PDE9A: variants seen among roughly 807,000 people sequenced by gnomAD.
The protein encoded by PDE9A is high affinity cGMP-specific 3',5'-cyclic phosphodiesterase 9A.
PDE9A carries 60 observed loss-of-function variants against 87.4 expected under a neutral mutation model. The observed-to-expected ratio is 0.69, with a 90% CI of 0.56 to 0.85. The LOEUF is 0.85. Among genes scored for constraint, PDE9A ranks in the 40% least tolerant of loss-of-function variants. PDE9A has a pLI of 0.00. For synonymous variants in PDE9A, 272 were observed against 279.4 expected (o/e 0.97, Z 0.27); for missense variants, 665 against 779.0 (o/e 0.85, Z 1.74).
At chr21:42,748,667 A>G (rs2054123992) in intron 8 of PDE9A, among the ~76,000 whole-genome samples, 1 of 152,224 alleles carries the variant, frequency 6.6e-6, no homozygotes, top group South Asian at 2.1e-4. Flanking sequence ...GAGGCCTTCT[A>G]GATGTTTTTC....
chr21:42,677,348 T>C (rs1473292165), intron 1 of PDE9A, among the ~76,000 whole-genome samples: 1 of 152,194 alleles, frequency 6.6e-6, no homozygotes, highest in African/African-American at 2.4e-5. Context: ...AAAGCATGAC[T>C]TCCCTGACAT....
At chr21:42,710,649 T>G (rs7279645) in intron 4 of PDE9A, among the ~76,000 whole-genome samples, 2,144 of 152,268 alleles carry the variant, frequency 0.014, 54 homozygotes, top group African/African-American at 0.049. Flanking sequence ...TGCTATGTCT[T>G]ATTGACTATT....
At chr21:42,764,200 G>A (rs1416988159) in intron 14 of PDE9A, among the ~76,000 whole-genome samples, 1 of 152,202 alleles carries the variant, frequency 6.6e-6, no homozygotes, top group Non-Finnish European at 1.5e-5. Context: ...CAGCGCTCTC[G>A]GGCCTGTGAT....
chr21:42,773,817 TA>T (rs1297232372), intron 19 of PDE9A, among the ~76,000 whole-genome samples: 2 of 135,688 alleles, frequency 1.5e-5, no homozygotes, highest in Non-Finnish European at 3.1e-5. Context: ...TAAAAATAAA[TA>T]AATAAGCCGG....
intron 1 of PDE9A, among the ~76,000 whole-genome samples, chr21:42,667,013 C>A (rs552820815): frequency 4.1e-4 from 62 of 149,412 alleles, no homozygotes; most frequent in East Asian, 1.4e-3. Context: ...TGTCCCCACT[C>A]CCCCCCGCCC....
In PDE9A at chr21:42,660,001, C is replaced by T. The variant is rs2145810610; in HGVS notation, c.69+6118C>T. The stretch of plus-strand genomic sequence containing the variant: ...CAACTGGGACACCTCGGGGCATAAG[C>T]CGGGCAGGGAGGCGGCAGGAACTGG... On this transcript the variant is annotated intron_variant, in intron 1 of 19. Transcript: ENST00000291539. The surrounding 1 kb of genome is among the most constrained non-coding windows in gnomAD (Gnocchi z 4.7). 6.6e-6 allele frequency among the ~76,000 whole-genome samples: 1 copy of T among 152,340 alleles called. No individual in the cohort carries two copies. Among genetic ancestry groups the T allele is most frequent in the South Asian group, 2.1e-4 (1 of 4,830 alleles).
chr21:42,661,772 G>T (rs556875047), intron 1 of PDE9A, among the ~76,000 whole-genome samples: 13 of 152,344 alleles, frequency 8.5e-5, no homozygotes, highest in African/African-American at 3.1e-4. Flanking sequence ...GTTCCCGAAG[G>T]CCTCTCCACG....
intron 1 of PDE9A, among the ~76,000 whole-genome samples, chr21:42,666,547 C>T (rs1459395687): frequency 1.3e-5 from 2 of 152,194 alleles, no homozygotes; most frequent in East Asian, 1.9e-4. Flanking sequence ...CGGCGGCCTC[C>T]ACAGCAGACA....
At chr21:42,710,834 A>T (rs2049265171) in intron 4 of PDE9A, among the ~76,000 whole-genome samples, 1 of 152,088 alleles carries the variant, frequency 6.6e-6, no homozygotes, top group Admixed American at 6.6e-5. Context: ...CTAAAAATAC[A>T]AAAATTAGCT....
At position 42,710,595 on chromosome 21, in the gene PDE9A, G is replaced by C. The variant is rs571985279; in HGVS notation, c.262+11584G>C. Among the ~76,000 whole-genome samples, 6 of 152,220 alleles carry C rather than the reference G, an allele frequency of 3.9e-5. No individual in the cohort carries two copies. The South Asian group carries it at 1.2e-3, about 32-fold the overall frequency. ...GTAAGAGCAATCCTATCTTCTTATA[G>C]TTTTAATTTGCATTTCCAAGTAACT... On this transcript the variant is annotated intron_variant, in intron 4 of 19. Coordinates refer to ENST00000291539, the MANE Select transcript of PDE9A (RefSeq NM_002606.3).
intron 16 of PDE9A, 36 bp downstream of exon 16, chr21:42,768,328 C>T (rs200351993): frequency 9.3e-6 from 12 of 1,294,036 alleles, no homozygotes; most frequent in Admixed American, 1.7e-5. Flanking sequence ...CCTCCAGCCA[C>T]TCTTATTAGC....
At chr21:42,764,953 G>A (rs1209225410) in intron 14 of PDE9A, among the ~76,000 whole-genome samples, 4 of 151,722 alleles carry the variant, frequency 2.6e-5, no homozygotes, top group African/African-American at 9.7e-5. Context: ...GCACAGAGAT[G>A]TGTTCTGTAA....
chr21:42,730,764 T>C (rs1481535769), intron 4 of PDE9A, among the ~76,000 whole-genome samples: 2 of 152,202 alleles, frequency 1.3e-5, no homozygotes, highest in Non-Finnish European at 2.9e-5. Context: ...TGAGTCTCCA[T>C]TGGGTGGGCG....
intron 1 of PDE9A, among the ~76,000 whole-genome samples, chr21:42,682,246 G>A (rs184219381): frequency 1.3e-5 from 2 of 152,348 alleles, no homozygotes; most frequent in East Asian, 3.9e-4. Context: ...AACCCTAAAT[G>A]TATAAGGAGT....
intron 1 of PDE9A, among the ~76,000 whole-genome samples, chr21:42,661,074 C>G (rs1305879046): frequency 6.6e-6 from 1 of 151,748 alleles, no homozygotes; most frequent in East Asian, 1.9e-4. Context: ...CTCTGTCGCC[C>G]AGGCTAGAGT....
chr21:42,753,956 C>T (rs371282006), intron 9 of PDE9A, 34 bp from the exon 10 acceptor site: 27 of 1,295,922 alleles, frequency 2.1e-5, no homozygotes, highest in East Asian at 9.3e-5. Flanking sequence ...AGGCCCACGG[C>T]GCCTGGTTAA....
At position 42,692,250 on chromosome 21, in the gene PDE9A, T is replaced by G. The variant is rs909226568; in HGVS notation, c.218+4256T>G. Among the ~76,000 whole-genome samples, 3 of 151,576 alleles carry G rather than the reference T, an allele frequency of 2.0e-5. No homozygotes were observed. The highest frequency in any genetic ancestry group is 7.3e-5 in the African/African-American group (3 of 41,112). The stretch of plus-strand genomic sequence containing the variant: ...TCCCCCTCTGCACTGCCCAGAGCAG[T>G]TTTTTCTTCTGGGGACGCAGGGCAA... On this transcript the variant is annotated intron_variant, in intron 3 of 19. Transcript: ENST00000291539. This position sits in a 1 kb window ranked among gnomAD's most constrained non-coding sequence, Gnocchi z 4.3.
At chr21:42,685,463 C>T (rs535166900) in intron 1 of PDE9A, among the ~76,000 whole-genome samples, 5,624 of 105,914 alleles carry the variant, frequency 0.053, 403 homozygotes, top group African/African-American at 0.22. Flanking sequence ...TACCGAAAGG[C>T]AGTCTTTTTT....
intron 17 of PDE9A, 62 bp downstream of exon 17, chr21:42,769,217 G>GCA (rs927692018): frequency 2.3e-5 from 35 of 1,489,948 alleles, no homozygotes; most frequent in Admixed American, 1.4e-4. Context: ...GCACACACAG[G>GCA]CACACACACA....
Sources: allele counts gnomAD v4.1 joint callset (sites outside exome capture counted in the v4.1 genomes callset), GRCh38; gene constraint gnomAD v4.1.1; non-coding constraint Gnocchi (gnomAD v3.1); transcripts MANE v1.5; gene names NCBI Gene and HGNC (gene_info 2026-07-23, HGNC 2026-07-21).